Variants in CEP112 observed in about 807,000 individuals in gnomAD.
The protein encoded by CEP112 is centrosomal protein 112, also known as centrosomal protein of 112 kDa.
Under a neutral mutation model 153.0 loss-of-function variants are expected in CEP112, and 127 were observed. The observed-to-expected ratio is 0.83, with a 90% CI of 0.72 to 0.96. CEP112 has a LOEUF of 0.96. Ranked by LOEUF, CEP112 falls within the 40% of genes least tolerant of loss-of-function variation. The pLI is 0.00. For synonymous variants in CEP112, 358 were observed against 374.4 expected, an observed-to-expected ratio of 0.96 and a Z score of 0.51; for missense variants, 1,089 against 1,101.2, an observed-to-expected ratio of 0.99 and a Z score of 0.16.
At chr17:65,876,568 G>A (rs1363070663) in intron 20 of CEP112, among the ~76,000 whole-genome samples, 2 of 151,978 alleles carry the variant, frequency 1.3e-5, no homozygotes, top group African/African-American at 4.8e-5. Flanking sequence ...TGTGATGCTG[G>A]TACTTATTAA....
At chr17:66,151,027 GT>G (rs1280733247) in intron 4 of CEP112, among the ~76,000 whole-genome samples, 1 of 151,868 alleles carries the variant, frequency 6.6e-6, no homozygotes, top group Non-Finnish European at 1.5e-5. Context: ...TATGCTTATT[GT>G]TTCCATGATA....
chr17:65,680,984 G>C (rs549384672), intron 24 of CEP112, among the ~76,000 whole-genome samples: 11 of 152,216 alleles, frequency 7.2e-5, no homozygotes, highest in Admixed American at 1.3e-4. Context: ...CAACACCAGG[G>C]GATTACAATT....
chr17:65,741,939 T>C (rs1162441347), intron 23 of CEP112, among the ~76,000 whole-genome samples: 2 of 151,880 alleles, frequency 1.3e-5, no homozygotes, highest in Non-Finnish European at 2.9e-5. Flanking sequence ...CTTTTTTTTT[T>C]GGTCTTATAA....
chr17:65,934,131 A>G (rs1420796), intron 18 of CEP112, among the ~76,000 whole-genome samples: 72,854 of 152,066 alleles, frequency 0.48, 18,459 homozygotes, highest in East Asian at 0.89. Flanking sequence ...GGAGGTTGCA[A>G]TGAGCTGAGA....
chr17:65,781,230 G>A (rs181113799), intron 21 of CEP112, among the ~76,000 whole-genome samples: 1 of 152,182 alleles, frequency 6.6e-6, no homozygotes, highest in Admixed American at 6.5e-5. Flanking sequence ...TAACATCCAA[G>A]TTGAGAGCCA....
At chr17:66,082,719 C>T (rs891116433) in intron 8 of CEP112, among the ~76,000 whole-genome samples, 10 of 151,094 alleles carry the variant, frequency 6.6e-5, no homozygotes, top group Admixed American at 6.6e-4. Flanking sequence ...GCCAAGACTG[C>T]ACCATCGTAC....
At chr17:66,084,377 C>A (rs531726578) in intron 8 of CEP112, among the ~76,000 whole-genome samples, 1 of 152,138 alleles carries the variant, frequency 6.6e-6, no homozygotes, top group Non-Finnish European at 1.5e-5. Flanking sequence ...TATTGCAGCA[C>A]TAATAACAAT....
intron 23 of CEP112, among the ~76,000 whole-genome samples, chr17:65,706,207 G>A (rs1295030289): frequency 2.0e-5 from 3 of 152,212 alleles, no homozygotes; most frequent in Non-Finnish European, 4.4e-5. Context: ...AACGTCTTCA[G>A]GAAGGACGCA....
chr17:65,876,550 T>G (rs2058833763), intron 20 of CEP112, among the ~76,000 whole-genome samples: 1 of 152,172 alleles, frequency 6.6e-6, no homozygotes. Context: ...GACATGGACC[T>G]TTTCTTTTGT....
intron 18 of CEP112, among the ~76,000 whole-genome samples, chr17:65,955,897 A>G (rs2061986305): frequency 6.6e-6 from 1 of 152,162 alleles, no homozygotes; most frequent in Admixed American, 6.5e-5. Context: ...GCAATGCAAT[A>G]ATAGTGGGGG....
intron 23 of CEP112, among the ~76,000 whole-genome samples, chr17:65,725,603 C>T (rs1340959329): frequency 6.6e-6 from 1 of 152,170 alleles, no homozygotes; most frequent in African/African-American, 2.4e-5. Flanking sequence ...AGGTGTGAGC[C>T]ACTGTATTAG....
Position 66,034,707 on chromosome 17 carries a change from A to G in CEP112, c.1219-4684T>C, listed in dbSNP as rs2065635879. ...AAGATATCCAACAAATCAGAGAAGA[A>G]AAATGATAGACATTGAAGCAATATT... On this transcript the variant is annotated intron_variant, in intron 12 of 26. Transcript: ENST00000535342. 1.3e-5 allele frequency among the ~76,000 whole-genome samples: 2 copies of G among 152,092 alleles called. 1 individual carries two copies. The highest frequency in any genetic ancestry group is 4.1e-4 in the South Asian group (2 of 4,830).
intron 23 of CEP112, among the ~76,000 whole-genome samples, chr17:65,700,909 G>A (rs188159954): frequency 6.6e-6 from 1 of 152,254 alleles, no homozygotes; most frequent in Non-Finnish European, 1.5e-5. Flanking sequence ...AAATACACCT[G>A]TAAGCTTCAC....
intron 18 of CEP112, among the ~76,000 whole-genome samples, chr17:65,949,274 C>T (rs1039602783): frequency 6.6e-6 from 1 of 152,212 alleles, no homozygotes. Flanking sequence ...CTTGTTACTA[C>T]ACTCACACCA....
intron 6 of CEP112, among the ~76,000 whole-genome samples, chr17:66,122,641 A>C (rs117344780): frequency 0.015 from 2,212 of 152,162 alleles, 26 homozygotes; most frequent in South Asian, 0.048. Flanking sequence ...GTTGAACTCT[A>C]TATCTAATTT....
chr17:65,896,792 G>A (rs1362350142), intron 20 of CEP112, among the ~76,000 whole-genome samples: 1 of 151,986 alleles, frequency 6.6e-6, no homozygotes, highest in Non-Finnish European at 1.5e-5. Context: ...AATATATACA[G>A]AAAGTTCCTG....
At chr17:65,760,618 T>C (rs1200139608) in intron 21 of CEP112, among the ~76,000 whole-genome samples, 1 of 152,164 alleles carries the variant, frequency 6.6e-6, no homozygotes, top group Non-Finnish European at 1.5e-5. Flanking sequence ...TGGTATATAA[T>C]TCTTTTTGTA....
intron 6 of CEP112, among the ~76,000 whole-genome samples, chr17:66,114,366 T>G (rs995191596): frequency 6.6e-6 from 1 of 152,180 alleles, no homozygotes; most frequent in African/African-American, 2.4e-5. Context: ...CAAACTGACA[T>G]AAGCAAAGAA....
chr17:65,828,835 T>C (rs1401405069), intron 21 of CEP112, among the ~76,000 whole-genome samples: 1 of 152,042 alleles, frequency 6.6e-6, no homozygotes, highest in Non-Finnish European at 1.5e-5. Flanking sequence ...TAATATTTAG[T>C]TTTTTACAAT....
Sources: gnomAD v4.1 joint callset for allele counts (sites outside exome capture counted in the v4.1 genomes callset) on GRCh38, gnomAD v4.1.1 for gene constraint, MANE v1.5 for transcripts, NCBI Gene and HGNC (gene_info 2026-07-23, HGNC 2026-07-21) for gene names.